Variants in GPC5 observed in about 807,000 individuals in gnomAD.
GPC5 encodes the protein glypican 5.
Under a neutral mutation model 53.9 loss-of-function variants are expected in GPC5, and 47 were observed. The ratio of observed to expected loss-of-function variants is 0.87; its 90% CI spans 0.69 to 1.11. The LOEUF is 1.11. Ranked by LOEUF, GPC5 falls within the 50% of genes most tolerant of loss-of-function variation. The probability of loss-of-function intolerance (pLI) is 0.00; values close to 1 mark genes in which losing one functional copy is unlikely to be tolerated. For synonymous variants in GPC5, 286 were observed against 263.3 expected, an observed-to-expected ratio of 1.09 and a Z score of -0.84; for missense variants, 748 against 713.1, an observed-to-expected ratio of 1.05 and a Z score of -0.56.
chr13:91,528,250 C>T (rs766410875), intron 2 of GPC5, among the ~76,000 whole-genome samples: 20 of 152,262 alleles, frequency 1.3e-4, no homozygotes, highest in African/African-American at 2.2e-4. Flanking sequence ...TATGACTGTA[C>T]GCTTTCAGAA....
chr13:91,610,804 C>T (rs914706828), intron 2 of GPC5, among the ~76,000 whole-genome samples: 2 of 151,972 alleles, frequency 1.3e-5, no homozygotes, highest in African/African-American at 4.8e-5. Flanking sequence ...TCTAATGGTC[C>T]GAAAGTGGGC....
At chr13:92,675,805 T>C (rs1170346560) in intron 7 of GPC5, among the ~76,000 whole-genome samples, 1 of 152,146 alleles carries the variant, frequency 6.6e-6, no homozygotes, top group African/African-American at 2.4e-5. Flanking sequence ...AGAGCTTTGG[T>C]CTTATGCCAT....
At chr13:91,811,299 C>A (rs929641626) in intron 5 of GPC5, among the ~76,000 whole-genome samples, 8 of 151,950 alleles carry the variant, frequency 5.3e-5, no homozygotes, top group African/African-American at 1.9e-4. Context: ...CACACTAATT[C>A]TAGTTTTCTA....
intron 5 of GPC5, among the ~76,000 whole-genome samples, chr13:91,859,030 AG>A (rs2038997186): frequency 1.9e-5 from 2 of 106,196 alleles, no homozygotes; most frequent in East Asian, 1.1e-3. Context: ...TTATTTATTT[AG>A]GTCTTTTTTT....
intron 7 of GPC5, among the ~76,000 whole-genome samples, chr13:92,651,958 C>G (rs1307842036): frequency 6.6e-6 from 1 of 151,328 alleles, no homozygotes; most frequent in Admixed American, 6.6e-5. Flanking sequence ...TAAAAAAAAG[C>G]AAATTGCAAA....
chr13:91,410,597 T>C (rs112575327), intron 1 of GPC5, among the ~76,000 whole-genome samples: 1,731 of 151,836 alleles, frequency 0.011, 21 homozygotes, highest in African/African-American at 0.031. Context: ...CCGCCCGCCT[T>C]GGCCTCCCAA....
At chr13:92,421,496 G>A (rs552198799) in intron 7 of GPC5, among the ~76,000 whole-genome samples, 23 of 152,026 alleles carry the variant, frequency 1.5e-4, no homozygotes, top group African/African-American at 5.5e-4. Context: ...TCAGGAGATC[G>A]AAACCATCCT....
At chr13:91,647,982 A>C (rs2034602471) in intron 2 of GPC5, among the ~76,000 whole-genome samples, 1 of 152,222 alleles carries the variant, frequency 6.6e-6, no homozygotes, top group South Asian at 2.1e-4. Context: ...CTGATTGCAG[A>C]GTCAGTCATG....
intron 1 of GPC5, among the ~76,000 whole-genome samples, chr13:91,438,917 G>A (rs1202096803): frequency 1.3e-5 from 2 of 152,218 alleles, no homozygotes; most frequent in Non-Finnish European, 2.9e-5. Flanking sequence ...AGACTGCTGT[G>A]CTAACAATGA....
chr13:91,448,996 A>G, intron 2 of GPC5, 74 bp downstream of exon 2: 5 of 1,480,210 alleles, frequency 3.4e-6, no homozygotes, highest in Non-Finnish European at 4.6e-6. Context: ...TACGTTGGCA[A>G]ACTTGGCTGG....
intron 6 of GPC5, among the ~76,000 whole-genome samples, chr13:91,973,759 GCAGCGGTGGCTGCAGAA>G (rs1489614348): frequency 1.3e-5 from 2 of 152,310 alleles, no homozygotes; most frequent in South Asian, 2.1e-4. Context: ...CTGGGTGTCA[GCAGCGGTGGCTGCAGAA>G]CAGCGGTGGC....
At chr13:91,685,748 A>T (rs1333907540) in intron 2 of GPC5, among the ~76,000 whole-genome samples, 1 of 152,160 alleles carries the variant, frequency 6.6e-6, no homozygotes, top group Non-Finnish European at 1.5e-5. Context: ...ATATCAAAAG[A>T]AACTAGATTT....
At chr13:92,501,853 A>G (rs1330490717) in intron 7 of GPC5, among the ~76,000 whole-genome samples, 1 of 152,136 alleles carries the variant, frequency 6.6e-6, no homozygotes, top group Non-Finnish European at 1.5e-5. Context: ...TAAATCATGT[A>G]AAAATAATGT....
At chr13:91,464,293 G>A (rs189484340) in intron 2 of GPC5, among the ~76,000 whole-genome samples, 143 of 152,174 alleles carry the variant, frequency 9.4e-4, no homozygotes, top group Admixed American at 5.8e-3. Context: ...ATATAAAATG[G>A]CACAGTCTGG....
At chr13:91,738,501 T>C (rs2036861472) in intron 4 of GPC5, among the ~76,000 whole-genome samples, 1 of 151,384 alleles carries the variant, frequency 6.6e-6, no homozygotes, top group African/African-American at 2.5e-5. Context: ...AATCCTTTTG[T>C]ATACAGAAAC....
intron 7 of GPC5, among the ~76,000 whole-genome samples, chr13:92,193,823 A>G (rs1448097782): frequency 6.6e-6 from 1 of 152,202 alleles, no homozygotes; most frequent in Non-Finnish European, 1.5e-5. Context: ...GGCCAAGAAG[A>G]TTAACCACTC....
intron 7 of GPC5, among the ~76,000 whole-genome samples, chr13:92,563,323 T>C (rs1289944261): frequency 6.6e-6 from 1 of 151,766 alleles, no homozygotes; most frequent in Non-Finnish European, 1.5e-5. Flanking sequence ...AATTGTTCTA[T>C]CTAAGCTTTT....
chr13:92,301,578 A>T (rs1297762314), intron 7 of GPC5, among the ~76,000 whole-genome samples: 3 of 152,258 alleles, frequency 2.0e-5, no homozygotes, highest in South Asian at 4.1e-4. Context: ...GGGTTGTTGT[A>T]AAAATCACTT....
chr13:92,319,492 C>G (rs1043943131), intron 7 of GPC5, among the ~76,000 whole-genome samples: 3 of 151,826 alleles, frequency 2.0e-5, no homozygotes, highest in Non-Finnish European at 4.4e-5. Context: ...ATCACTTACC[C>G]CTACCTCCAC....
Sources: gnomAD v4.1 joint callset for allele counts (sites outside exome capture counted in the v4.1 genomes callset) on GRCh38, gnomAD v4.1.1 for gene constraint, MANE v1.5 for transcripts, NCBI Gene and HGNC (gene_info 2026-07-23, HGNC 2026-07-21) for gene names.